PINX1: variants seen among roughly 807,000 people sequenced by gnomAD.
PINX1 encodes the protein PIN2 (TERF1) interacting telomerase inhibitor 1, also known as PIN2/TERF1-interacting telomerase inhibitor 1.
PINX1 carries 34 observed loss-of-function variants against 25.4 expected under a neutral mutation model. That is an observed-to-expected ratio of 1.34 (90% CI 1.02 to 1.78). The LOEUF (loss-of-function observed/expected upper bound fraction) is 1.78, where lower values mean the gene tolerates loss of function less well. Among genes scored for constraint, PINX1 ranks in the 40% most tolerant of loss-of-function variants. The pLI, the probability that PINX1 is intolerant of heterozygous loss-of-function variation, is 0.00. For synonymous variants in PINX1, 197 were observed against 147.7 expected, an observed-to-expected ratio of 1.33 and a Z score of -2.42; for missense variants, 592 against 404.9, an observed-to-expected ratio of 1.46 and a Z score of -3.97.
chr8:10,818,469 T>C (rs1388148772), intron 6 of PINX1, among the ~76,000 whole-genome samples: 1 of 152,184 alleles, frequency 6.6e-6, no homozygotes, highest in Non-Finnish European at 1.5e-5. Flanking sequence ...ACTAAGAGCT[T>C]TCTGCACCAA....
chr8:10,825,585 G>C (rs1798012040), intron 5 of PINX1: 1 of 393,054 alleles, frequency 2.5e-6, no homozygotes. Flanking sequence ...AGGTGGTGAT[G>C]AAGGAATAGG....
intron 6 of PINX1, among the ~76,000 whole-genome samples, chr8:10,803,473 C>T (rs1207673951): frequency 6.6e-6 from 1 of 152,206 alleles, no homozygotes; most frequent in African/African-American, 2.4e-5. Flanking sequence ...AGTTACCACA[C>T]CCTATTCTTT....
At chr8:10,769,199 C>T (rs1309168463) in intron 6 of PINX1, among the ~76,000 whole-genome samples, 2 of 152,130 alleles carry the variant, frequency 1.3e-5, no homozygotes, top group African/African-American at 4.8e-5. Context: ...GTCTCTCTCT[C>T]TTTTTCAAAT....
intron 5 of PINX1, among the ~76,000 whole-genome samples, chr8:10,820,740 A>G (rs181203847): frequency 1.2e-4 from 18 of 152,358 alleles, no homozygotes; most frequent in Non-Finnish European, 2.5e-4. Flanking sequence ...ATGAGAACGT[A>G]TCATATTTGA....
intron 6 of PINX1, among the ~76,000 whole-genome samples, chr8:10,807,970 A>T (rs1464046645): frequency 3.3e-5 from 5 of 152,206 alleles, no homozygotes; most frequent in African/African-American, 7.2e-5. Flanking sequence ...TGACACACTG[A>T]AAGTTTTATA....
Position 10,826,497 on chromosome 8 carries a change from T to C in PINX1, c.302-253A>G, listed in dbSNP as rs181190560. On this transcript the variant is annotated intron_variant, in intron 4 of 6. Transcript: ENST00000314787. Reference sequence around the variant, plus strand: ...GGCTGCCCTCCAGAAATTTAGAAAATCCTTGAGGAAGAAATGGAAACTTGT... The same window carrying C: ...GGCTGCCCTCCAGAAATTTAGAAAACCCTTGAGGAAGAAATGGAAACTTGT... Among the ~76,000 whole-genome samples the C allele has an allele frequency of 3.9e-4, 60 of 152,318 alleles. 2 individuals are homozygous for C. Among genetic ancestry groups the C allele is most frequent in the Admixed American group, 3.3e-3 (51 of 15,308 alleles).
At chr8:10,818,573 G>T (rs1197158823) in intron 6 of PINX1, among the ~76,000 whole-genome samples, 1 of 152,186 alleles carries the variant, frequency 6.6e-6, no homozygotes, top group Non-Finnish European at 1.5e-5. Flanking sequence ...GGGTGTCCGG[G>T]AGGGCAAAGG....
Position 10,797,505 on chromosome 8 carries a change from A to C in PINX1, c.471+22688T>G, listed in dbSNP as rs192802525. ...ATTGTTGTTTAAAACAAAAAAACAG[A>C]AACAACTTTCTAAAAACAAACAGGG... On this transcript the variant is annotated intron_variant, in intron 6 of 6. Transcript: ENST00000314787. Among the ~76,000 whole-genome samples the C allele has an allele frequency of 3.3e-5, 5 of 152,332 alleles. No homozygotes were observed. In the East Asian group the frequency reaches 9.7e-4, roughly 29 times the overall value.
At chr8:10,814,792 C>T (rs1052322101) in intron 6 of PINX1, among the ~76,000 whole-genome samples, 1 of 152,208 alleles carries the variant, frequency 6.6e-6, no homozygotes, top group Non-Finnish European at 1.5e-5. Context: ...CTTCAACTGA[C>T]TGAATCCCTA....
chr8:10,831,796 G>A (rs2129089738), intron 3 of PINX1, 53 bp from the exon 4 acceptor site: 1 of 962,604 alleles, frequency 1.0e-6, no homozygotes, highest in Non-Finnish European at 1.6e-6. Flanking sequence ...TACTTACACT[G>A]ACTGAGATGA....
intron 6 of PINX1, among the ~76,000 whole-genome samples, chr8:10,786,636 C>T (rs1332831324): frequency 2.6e-5 from 4 of 152,182 alleles, no homozygotes. Context: ...AAAGACTCTG[C>T]CCCCTCCAAA....
At position 10,765,895 on chromosome 8, in the gene PINX1, G is replaced by C. The variant is rs1801025890; in HGVS notation, c.493C>G (p.Pro165Ala). ...GTTGTCGTGGTTTCGTTCTCCTCTG[G>C]AGTGGAGGGACTGGCATCGCCCTAT... ...TPEGDASPST[P>A]EENETTTTSA... Residue 165 changes from proline (P) to alanine (A), a missense_variant, in exon 7 of 7, where the codon CCA becomes GCA. Coordinates refer to ENST00000314787, the MANE Select transcript of PINX1 (RefSeq NM_017884.6). 2 of 1,613,748 alleles carry C rather than the reference G, an allele frequency of 1.2e-6. No homozygotes were observed. The highest frequency in any genetic ancestry group is 1.3e-5 in the African/African-American group (1 of 75,016).
At chr8:10,772,173 C>T (rs1049572333) in intron 6 of PINX1, among the ~76,000 whole-genome samples, 4 of 152,194 alleles carry the variant, frequency 2.6e-5, no homozygotes, top group African/African-American at 7.2e-5. Context: ...TCGTGCATAC[C>T]ACATACAAAG....
In PINX1 at chr8:10,765,754, C is replaced by G. The variant is rs1801017299; in HGVS notation, c.634G>C (p.Gly212Arg). 6.2e-7 allele frequency: 1 copy of G among 1,613,834 alleles called. No homozygotes were observed. Among genetic ancestry groups the G allele is most frequent in the Non-Finnish European group, 8.5e-7 (1 of 1,179,898 alleles). Residue 212 changes from glycine (G) to arginine (R), a missense_variant, in exon 7 of 7, where the codon GGG (glycine) becomes CGG (arginine). Gly to Arg is a moderately radical substitution (Grantham distance 125). Transcript: ENST00000314787. ...ISETQVERKR[G>R]KKRNKEATGK... ...GTGGCCTCTTTATTTCTTTTCTTCC[C>G]CCTTTTACGTTCCACCTGCGTCTCA... is the stretch of plus-strand genomic sequence containing the variant.
chr8:10,765,999 GCTC>G, intron 6 of PINX1, 83 bp from the exon 7 acceptor site: 1 of 1,371,768 alleles, frequency 7.3e-7, no homozygotes, highest in Non-Finnish European at 1.0e-6. Context: ...CACACCCGGC[GCTC>G]ACACCTGGCA....
intron 6 of PINX1, chr8:10,787,403 A>AT (rs1801786127): frequency 6.0e-6 from 1 of 165,566 alleles, no homozygotes; most frequent in South Asian, 1.6e-4. Context: ...TAATTTTTAA[A>AT]TTTTTTGTAG....
intron 4 of PINX1, among the ~76,000 whole-genome samples, chr8:10,827,819 G>A (rs1055047605): frequency 1.3e-5 from 2 of 150,102 alleles, no homozygotes; most frequent in African/African-American, 4.9e-5. Context: ...GCTGAGGCAG[G>A]AGAATGGCGT....
At chr8:10,832,107 G>C (rs780039987) in intron 3 of PINX1, among the ~76,000 whole-genome samples, 1 of 151,870 alleles carries the variant, frequency 6.6e-6, no homozygotes, top group Non-Finnish European at 1.5e-5. Flanking sequence ...ATAGTTGAAA[G>C]GACAAGAACC....
At chr8:10,797,990 C>A (rs1802142119) in intron 6 of PINX1, among the ~76,000 whole-genome samples, 1 of 152,118 alleles carries the variant, frequency 6.6e-6, no homozygotes, top group South Asian at 2.1e-4. Flanking sequence ...AGAAATAAAG[C>A]AAGTATTCTT....
Sources: gnomAD v4.1 joint callset for allele counts (sites outside exome capture counted in the v4.1 genomes callset) on GRCh38, gnomAD v4.1.1 for gene constraint, MANE v1.5 for transcripts, NCBI Gene and HGNC (gene_info 2026-07-23, HGNC 2026-07-21) for gene names.